Variants in LRFN2 observed in about 807,000 individuals in gnomAD.
LRFN2 encodes the protein leucine rich repeat and fibronectin type III domain containing 2.
Under a neutral mutation model 37.3 loss-of-function variants are expected in LRFN2, and 18 were observed. The observed-to-expected ratio is 0.48, with a 90% CI of 0.33 to 0.72. LRFN2 has a LOEUF of 0.72. LRFN2 is among the 30% of genes least tolerant of loss of function. The probability of loss-of-function intolerance (pLI) is 0.02; values close to 1 mark genes in which losing one functional copy is unlikely to be tolerated. For missense variants in LRFN2, 1,006 were observed against 1,060.7 expected, an observed-to-expected ratio of 0.95 and a Z score of 0.72; for synonymous variants, 556 against 466.6, an observed-to-expected ratio of 1.19 and a Z score of -2.47.
At chr6:40,424,150 C>T (rs1763292650) in intron 2 of LRFN2, among the ~76,000 whole-genome samples, 1 of 152,136 alleles carries the variant, frequency 6.6e-6, no homozygotes, top group Admixed American at 6.5e-5. Flanking sequence ...CTCATCTTGC[C>T]CATTGATTAC....
chr6:40,455,868 A>G (rs62395901), intron 1 of LRFN2, among the ~76,000 whole-genome samples: 79,967 of 152,026 alleles, frequency 0.53, 21,165 homozygotes, highest in South Asian at 0.59. Context: ...CATAAGGGAG[A>G]TTATCCTGGG....
chr6:40,583,803 T>C (rs995135728), intron 1 of LRFN2, among the ~76,000 whole-genome samples: 24 of 152,256 alleles, frequency 1.6e-4, no homozygotes, highest in Admixed American at 1.5e-3. Flanking sequence ...TCACTTTACC[T>C]GGGCCTCACA....
intron 1 of LRFN2, among the ~76,000 whole-genome samples, chr6:40,524,779 GGA>G (rs576968131): frequency 1.3e-3 from 205 of 152,276 alleles, no homozygotes; most frequent in South Asian, 2.5e-3. Flanking sequence ...ATAGAAAACT[GGA>G]TCCTAATAGT....
intron 1 of LRFN2, among the ~76,000 whole-genome samples, chr6:40,535,551 C>T (rs751159114): frequency 5.9e-5 from 9 of 152,156 alleles, no homozygotes; most frequent in Admixed American, 1.3e-4. Flanking sequence ...TTTGACATGA[C>T]CCCATTAACC....
intron 1 of LRFN2, among the ~76,000 whole-genome samples, chr6:40,460,614 T>C (rs1200242295): frequency 6.6e-6 from 1 of 152,230 alleles, no homozygotes; most frequent in African/African-American, 2.4e-5. Flanking sequence ...GTCTGGCTTA[T>C]GTAGCAAGAG....
intron 1 of LRFN2, among the ~76,000 whole-genome samples, chr6:40,554,346 C>T (rs1238795997): frequency 3.3e-5 from 5 of 152,108 alleles, no homozygotes; most frequent in Non-Finnish European, 2.9e-5. Context: ...GCCTCCTAAA[C>T]GGCTGTCTCC....
intron 2 of LRFN2, among the ~76,000 whole-genome samples, chr6:40,428,367 G>C (rs997706401): frequency 6.6e-6 from 1 of 152,174 alleles, no homozygotes; most frequent in Non-Finnish European, 1.5e-5. Flanking sequence ...TACAGCATGT[G>C]CTCCTCTTTA....
chr6:40,519,452 A>G (rs1765986284), intron 1 of LRFN2, among the ~76,000 whole-genome samples: 1 of 152,218 alleles, frequency 6.6e-6, no homozygotes, highest in African/African-American at 2.4e-5. Flanking sequence ...ATTTGACCAT[A>G]TGACTTGCAT....
chr6:40,448,519 G>T (rs965498294), intron 1 of LRFN2, among the ~76,000 whole-genome samples: 1 of 152,164 alleles, frequency 6.6e-6, no homozygotes, highest in African/African-American at 2.4e-5. Flanking sequence ...TCCTCCGTCA[G>T]CCCTAATCTT....
intron 1 of LRFN2, among the ~76,000 whole-genome samples, chr6:40,460,953 G>T (rs1287897153): frequency 2.0e-5 from 3 of 152,192 alleles, no homozygotes; most frequent in African/African-American, 7.2e-5. Context: ...CTAGGGGAGA[G>T]GGTAGGCTAT....
At chr6:40,572,609 G>C (rs762964832) in intron 1 of LRFN2, among the ~76,000 whole-genome samples, 1 of 152,242 alleles carries the variant, frequency 6.6e-6, no homozygotes, top group Non-Finnish European at 1.5e-5. Flanking sequence ...TTGGGGCCCA[G>C]GCCACTTTCC....
At chr6:40,478,613 A>T (rs1393535363) in intron 1 of LRFN2, among the ~76,000 whole-genome samples, 4 of 152,288 alleles carry the variant, frequency 2.6e-5, no homozygotes, top group African/African-American at 9.6e-5. Context: ...CCCACCCCTC[A>T]CAGAGCAGGT....
At chr6:40,415,355 A>G (rs1242211470) in intron 2 of LRFN2, among the ~76,000 whole-genome samples, 2 of 151,914 alleles carry the variant, frequency 1.3e-5, no homozygotes, top group African/African-American at 4.8e-5. Flanking sequence ...CCCCCCAAGT[A>G]CCTGGAATTA....
At chr6:40,552,548 C>T (rs112602333) in intron 1 of LRFN2, among the ~76,000 whole-genome samples, 1 of 152,228 alleles carries the variant, frequency 6.6e-6, no homozygotes, top group South Asian at 2.1e-4. Context: ...AAGTAAAATC[C>T]CTGAGAAGTA....
intron 1 of LRFN2, among the ~76,000 whole-genome samples, chr6:40,563,329 G>A (rs1330447280): frequency 6.6e-6 from 1 of 152,102 alleles, no homozygotes. Context: ...CCGGGCCAAT[G>A]AGCTCCTTCT....
chr6:40,463,140 A>G (rs1561865842), intron 1 of LRFN2, among the ~76,000 whole-genome samples: 1 of 152,198 alleles, frequency 6.6e-6, no homozygotes, highest in Non-Finnish European at 1.5e-5. Context: ...GCAGGGTAAT[A>G]AGGTGCAAGG....
chr6:40,433,498 T>TTGGATGGATGGATGGATGGATGGG (rs965250213), intron 1 of LRFN2, among the ~76,000 whole-genome samples: 3 of 152,076 alleles, frequency 2.0e-5, no homozygotes, highest in Non-Finnish European at 4.4e-5. Flanking sequence ...TAACTATCTG[T>TTGGATGGATGGATGGATGGATGGG]TGGATGGATG....
chr6:40,454,612 G>T (rs1340941886), intron 1 of LRFN2, among the ~76,000 whole-genome samples: 1 of 151,988 alleles, frequency 6.6e-6, no homozygotes, highest in Non-Finnish European at 1.5e-5. Context: ...CCCTACCTAG[G>T]CCCTCCCCTA....
At chr6:40,569,782 G>T (rs888816391) in intron 1 of LRFN2, among the ~76,000 whole-genome samples, 1 of 152,054 alleles carries the variant, frequency 6.6e-6, no homozygotes, top group Non-Finnish European at 1.5e-5. Flanking sequence ...TTCCTTAAAG[G>T]CAAATTGGAC....
Sources: allele counts gnomAD v4.1 joint callset (sites outside exome capture counted in the v4.1 genomes callset), GRCh38; gene constraint gnomAD v4.1.1; transcripts MANE v1.5; gene names NCBI Gene and HGNC (gene_info 2026-07-23, HGNC 2026-07-21).